KNTC1: variants seen among roughly 807,000 people sequenced by gnomAD.
KNTC1 encodes kinetochore associated 1.
A neutral mutation model predicts 314.4 loss-of-function variants in KNTC1; 253 were observed. The observed-to-expected ratio is 0.80, with a 90% CI of 0.73 to 0.89. KNTC1 has a LOEUF of 0.89. Ranked by LOEUF, KNTC1 falls within the 40% of genes least tolerant of loss-of-function variation. The pLI is 0.00. For missense variants in KNTC1, 2,475 were observed against 2,572.9 expected (o/e 0.96, Z 0.82); for synonymous variants, 901 against 901.4 (o/e 1.00, Z 0.01).
intron 34 of KNTC1, among the ~76,000 whole-genome samples, chr12:122,583,254 A>G (rs1419606161): frequency 6.6e-6 from 1 of 152,062 alleles, no homozygotes; most frequent in African/African-American, 2.4e-5. Context: ...AGATCACACC[A>G]CTGCACTCCA....
rs1240020050 is a variant in KNTC1 at position 122,585,533 on chromosome 12, A to AAG, written c.3535-103_3535-102insAG. On this transcript the variant is annotated intron_variant, in intron 36 of 63. Transcript: ENST00000333479. ...CCTCCCTCGACATTGTCCTTCTGTTAGAGTTTAACTTAAAATGAAATTTCT... is the reference window on the plus strand; with the variant it reads ...CCTCCCTCGACATTGTCCTTCTGTTAAGGAGTTTAACTTAAAATGAAATTTCT... 2.4e-5 allele frequency: 31 copies of AAG among 1,270,322 alleles called. No individual in the cohort carries two copies. The East Asian group carries it at 6.0e-4, about 25-fold the overall frequency. 78.7% of individuals were successfully genotyped at this position (1,270,322 alleles called of 1,614,324 possible). A position where few individuals can be genotyped will look rare whatever the true frequency, so the allele number is the denominator to read the frequency against.
Position 122,616,113 on chromosome 12 carries a change from G to A in KNTC1, c.6030+587G>A, listed in dbSNP as rs144838978. Among the ~76,000 whole-genome samples the A allele has an allele frequency of 1.4e-4, 21 of 151,934 alleles. No individual in the cohort carries two copies. The South Asian group carries it at 2.7e-3, about 20-fold the overall frequency. On this transcript the variant is annotated intron_variant, in intron 57 of 63. Transcript: ENST00000333479. ...CCCATATAATCATAATATATATTAC[G>A]CAGAAATATATAATTTATTCTTTGT...
rs554448260 is a variant in KNTC1 at position 122,605,706 on chromosome 12, C to T, written c.5496+291C>T. The stretch of plus-strand genomic sequence containing the variant: ...GATTACAGGCGCCTGCTACCACACC[C>T]GGCTGATTTTTGTATTTTTGGTAGA... On this transcript the variant is annotated intron_variant, in intron 51 of 63. Coordinates refer to ENST00000333479, the MANE Select transcript of KNTC1 (RefSeq NM_014708.6). Among the ~76,000 whole-genome samples the T allele has an allele frequency of 3.3e-5, 5 of 150,848 alleles. No homozygotes were observed. The East Asian group carries it at 7.9e-4, about 24-fold the overall frequency.
intron 13 of KNTC1, 71 bp from the exon 14 acceptor site, chr12:122,551,243 CCAGTA>C: frequency 1.1e-6 from 1 of 945,556 alleles, no homozygotes; most frequent in Non-Finnish European, 1.6e-6. Context: ...CATGCCTGAA[CCAGTA>C]GTTACTCTAG....
chr12:122,616,365 C>A (rs755713696), intron 57 of KNTC1, among the ~76,000 whole-genome samples: 1 of 151,740 alleles, frequency 6.6e-6, no homozygotes, highest in Non-Finnish European at 1.5e-5. Flanking sequence ...TGGGTTCACG[C>A]TATTCTCCTG....
At chr12:122,575,286 T>C (rs919496488) in intron 27 of KNTC1, among the ~76,000 whole-genome samples, 3 of 152,110 alleles carry the variant, frequency 2.0e-5, no homozygotes, top group African/African-American at 7.2e-5. Context: ...AACCCAGGGA[T>C]TGTAGAGACC....
rs1177397110 is a variant in KNTC1 at position 122,534,574 on chromosome 12, G to C, written c.130-90G>C. On this transcript the variant is annotated intron_variant, in intron 2 of 63. Transcript: ENST00000333479. ...AAAAGCCTGTCAAGTTTTAAAGTGG[G>C]ATATTTGGGAATTTGATGATACTAT... The C allele has an allele frequency of 3.4e-5, 42 of 1,237,826 alleles. No individual in the cohort carries two copies. In the Admixed American group the frequency reaches 9.2e-4, roughly 27 times the overall value. The allele number at this position is 1,237,826 out of a possible 1,614,324, so 76.7% of individuals were successfully genotyped here.
intron 42 of KNTC1, 91 bp downstream of exon 42, chr12:122,591,544 A>T: frequency 1.3e-6 from 1 of 770,288 alleles, no homozygotes; most frequent in Non-Finnish European, 2.3e-6. Flanking sequence ...TACTTTTGGG[A>T]GGAGAGTGTA....
At position 122,613,728 on chromosome 12, in the gene KNTC1, G is replaced by A; in HGVS notation, c.5844G>A (p.Lys1948=). 1.2e-6 allele frequency: 2 copies of A among 1,611,900 alleles called. No homozygotes were observed. The highest frequency in any genetic ancestry group is 1.7e-6 in the Non-Finnish European group (2 of 1,179,192). ...FCSSPKEGMI[K]GLWKNHSHES... is the part of the protein sequence containing the mutation. ...GCAGTCCTAAAGAAGGAATGATTAAGGGTCTGTGGAAAAACCACAGCCACG... is the reference window on the plus strand; with the variant it reads ...GCAGTCCTAAAGAAGGAATGATTAAAGGTCTGTGGAAAAACCACAGCCACG... Residue 1948 remains lysine, a synonymous_variant, in exon 55 of 64, where the codon AAG becomes AAA. Coordinates refer to ENST00000333479, the MANE Select transcript of KNTC1 (RefSeq NM_014708.6).
chr12:122,615,217 T>C (rs1873641359), intron 56 of KNTC1, 131 bp downstream of exon 56: 1 of 776,424 alleles, frequency 1.3e-6, no homozygotes, highest in Admixed American at 2.9e-5. Flanking sequence ...ACTGAGCTCA[T>C]GCCAAACTTA....
intron 45 of KNTC1, 68 bp downstream of exon 45, chr12:122,601,693 T>C: frequency 7.4e-7 from 1 of 1,359,086 alleles, no homozygotes; most frequent in South Asian, 1.7e-5. Flanking sequence ...AATCATATCA[T>C]TATCCAGGGC....
chr12:122,573,337 A>G (rs1421705267), intron 26 of KNTC1, 52 bp downstream of exon 26: 9 of 1,475,810 alleles, frequency 6.1e-6, no homozygotes, highest in Admixed American at 1.9e-5. Flanking sequence ...GCAGTGTAGC[A>G]CTGTAGTAAA....
chr12:122,568,314 T>C lies in KNTC1; in HGVS notation c.1658T>C (p.Phe553Ser). The change falls in exon 21 of 64, where the codon TTT becomes TCT. Residue 553 changes from phenylalanine to serine, a missense_variant. Phe to Ser is a radical substitution (Grantham distance 155). Coordinates refer to ENST00000333479, the MANE Select transcript of KNTC1 (RefSeq NM_014708.6). Reference sequence around the variant, plus strand: ...AATGAAGATGATCTTAAAGATATTTTTTTACAGCTAAAAGAAGGAAACCTT... The same window carrying C: ...AATGAAGATGATCTTAAAGATATTTCTTTACAGCTAAAAGAAGGAAACCTT... ...LNNEDDLKDI[F>S]LQLKEGNLVC... The C allele has an allele frequency of 6.3e-7, 1 of 1,599,148 alleles. No individual in the cohort carries two copies. The highest frequency in any genetic ancestry group is 8.6e-7 in the Non-Finnish European group (1 of 1,167,196).
intron 42 of KNTC1, among the ~76,000 whole-genome samples, chr12:122,592,119 C>A (rs907343076): frequency 7.3e-6 from 1 of 137,830 alleles, no homozygotes; most frequent in African/African-American, 3.6e-5. Flanking sequence ...GCACTCGGAG[C>A]GGCCGGCCGG....
chr12:122,618,255 A>G, intron 57 of KNTC1, 88 bp from the exon 58 acceptor site: 2 of 1,121,110 alleles, frequency 1.8e-6, no homozygotes, highest in Non-Finnish European at 2.7e-6. Flanking sequence ...TATAGGTGTG[A>G]GCCACCGCGC....
chr12:122,577,241 T>C (rs1272246876), intron 30 of KNTC1, among the ~76,000 whole-genome samples: 1 of 152,182 alleles, frequency 6.6e-6, no homozygotes, highest in Admixed American at 6.6e-5. Flanking sequence ...TGAGCTACCA[T>C]GCTTGGCCTG....
At chr12:122,614,425 A>G (rs564329427) in intron 55 of KNTC1, among the ~76,000 whole-genome samples, 4 of 152,270 alleles carry the variant, frequency 2.6e-5, no homozygotes, top group South Asian at 4.1e-4. Flanking sequence ...AGGCTGGGGC[A>G]GGAAGGTTTT....
At chr12:122,554,920 C>CTGTA (rs1963476046) in intron 16 of KNTC1, among the ~76,000 whole-genome samples, 1 of 152,142 alleles carries the variant, frequency 6.6e-6, no homozygotes, top group African/African-American at 2.4e-5. Flanking sequence ...TGGTGTGCGC[C>CTGTA]TGTAGTCCCA....
intron 23 of KNTC1, 34 bp from the exon 24 acceptor site, chr12:122,570,991 C>CTTT (rs753154229): frequency 1.2e-5 from 19 of 1,601,560 alleles, no homozygotes; most frequent in Non-Finnish European, 1.5e-5. Context: ...CAGCATAAAA[C>CTTT]ATTGTTTTGA....
Sources: gnomAD v4.1 joint callset for allele counts (sites outside exome capture counted in the v4.1 genomes callset) on GRCh38, gnomAD v4.1.1 for gene constraint, MANE v1.5 for transcripts, NCBI Gene and HGNC (gene_info 2026-07-23, HGNC 2026-07-21) for gene names.